Variants in FGF14 observed in about 807,000 individuals in gnomAD.
FGF14 encodes fibroblast growth factor 14.
In FGF14, 5 loss-of-function variants were observed where a neutral mutation model predicts 25.5. That is an observed-to-expected ratio of 0.20 (90% CI 0.10 to 0.41). The LOEUF is 0.41. Among genes scored for constraint, FGF14 ranks in the 10% least tolerant of loss-of-function variants. The pLI is 1.00. For missense variants in FGF14, 222 were observed against 320.1 expected, an observed-to-expected ratio of 0.69 and a Z score of 2.34; for synonymous variants, 138 against 118.3, an observed-to-expected ratio of 1.17 and a Z score of -1.08.
chr13:102,057,844 G>C (rs191957458), intron 1 of FGF14, among the ~76,000 whole-genome samples: 1 of 152,240 alleles, frequency 6.6e-6, no homozygotes, highest in Admixed American at 6.5e-5. Context: ...GAATATTTTA[G>C]ACCTTGGGTT....
intron 1 of FGF14, among the ~76,000 whole-genome samples, chr13:102,216,641 C>A (rs567618170): frequency 1.3e-5 from 2 of 152,184 alleles, no homozygotes; most frequent in Non-Finnish European, 2.9e-5. Flanking sequence ...TCCTTAAACA[C>A]TTATTGTTTG....
At chr13:101,892,903 TGTTA>T (rs148407053) in intron 1 of FGF14, among the ~76,000 whole-genome samples, 4,443 of 152,240 alleles carry the variant, frequency 0.029, 233 homozygotes, top group African/African-American at 0.1. Flanking sequence ...TTGGGAGGTC[TGTTA>T]ATTATACAAA....
At chr13:102,121,349 C>T (rs2045715997) in intron 1 of FGF14, among the ~76,000 whole-genome samples, 1 of 152,084 alleles carries the variant, frequency 6.6e-6, no homozygotes, top group South Asian at 2.1e-4. Context: ...GGACCATACT[C>T]TTCACCATTT....
At chr13:101,855,929 G>A (rs955390834) in intron 3 of FGF14, among the ~76,000 whole-genome samples, 3 of 150,540 alleles carry the variant, frequency 2.0e-5, no homozygotes, top group African/African-American at 7.3e-5. Flanking sequence ...AGAACACAGG[G>A]GAACTCTTGC....
intron 1 of FGF14, among the ~76,000 whole-genome samples, chr13:102,105,341 T>C (rs2044855984): frequency 6.6e-6 from 1 of 152,196 alleles, no homozygotes; most frequent in Non-Finnish European, 1.5e-5. Flanking sequence ...TAATTAGGCA[T>C]TTTTCCCTGA....
At chr13:102,381,462 G>A (rs1447703263) in intron 1 of FGF14, among the ~76,000 whole-genome samples, 1 of 152,176 alleles carries the variant, frequency 6.6e-6, no homozygotes, top group African/African-American at 2.4e-5. Context: ...ATGTGAGGAT[G>A]CAGGAAGTAG....
At chr13:102,287,896 G>A (rs2054185309) in intron 1 of FGF14, among the ~76,000 whole-genome samples, 1 of 152,150 alleles carries the variant, frequency 6.6e-6, no homozygotes, top group African/African-American at 2.4e-5. Context: ...CAGATGCAGT[G>A]CCTGGCACAC....
rs1203488716 is a variant in FGF14, at chr13:102,282,720, A to G, written c.208+118751T>C. On this transcript the variant is annotated intron_variant, in intron 1 of 4. Coordinates refer to the FGF14 transcript ENST00000376131. ...AAAAATAATTTTTGTAATCGAATAAATATTAGAAACACTTCACACCTCCTC... is the reference window on the plus strand; with the variant it reads ...AAAAATAATTTTTGTAATCGAATAAGTATTAGAAACACTTCACACCTCCTC... 5.3e-5 allele frequency among the ~76,000 whole-genome samples: 8 copies of G among 152,266 alleles called. No individual in the cohort carries two copies. In the East Asian group the frequency reaches 1.5e-3, roughly 29 times the overall value.
At chr13:102,297,336 C>A (rs546839543) in intron 1 of FGF14, among the ~76,000 whole-genome samples, 1 of 152,158 alleles carries the variant, frequency 6.6e-6, no homozygotes, top group South Asian at 2.1e-4. Context: ...AGACAGACGA[C>A]TCAATGTAAC....
intron 1 of FGF14, among the ~76,000 whole-genome samples, chr13:101,932,218 C>T (rs2034799614): frequency 6.6e-6 from 1 of 152,112 alleles, no homozygotes; most frequent in Non-Finnish European, 1.5e-5. Context: ...GTATGGCGTT[C>T]TTTTCATTGC....
chr13:102,350,665 G>A (rs1054622147), intron 1 of FGF14, among the ~76,000 whole-genome samples: 4 of 152,166 alleles, frequency 2.6e-5, no homozygotes, highest in Non-Finnish European at 4.4e-5. Flanking sequence ...AACACAGGAA[G>A]GGGATGACCA....
chr13:102,325,881 T>A (rs1429268323), intron 1 of FGF14, among the ~76,000 whole-genome samples: 2 of 152,238 alleles, frequency 1.3e-5, no homozygotes, highest in Non-Finnish European at 2.9e-5. Flanking sequence ...ATATAAACTG[T>A]GACTAATGTG....
chr13:102,013,645 G>A (rs998783026), intron 1 of FGF14, among the ~76,000 whole-genome samples: 1 of 152,184 alleles, frequency 6.6e-6, no homozygotes, highest in Non-Finnish European at 1.5e-5. Context: ...AACACAATGA[G>A]TGATTTCCTA....
At chr13:101,758,775 C>A (rs573271825) in intron 3 of FGF14, among the ~76,000 whole-genome samples, 5 of 152,158 alleles carry the variant, frequency 3.3e-5, no homozygotes, top group Admixed American at 6.6e-5. Context: ...GCAGTCCTCA[C>A]AATTCAGTGT....
At chr13:102,232,558 T>C (rs1302926485) in intron 1 of FGF14, among the ~76,000 whole-genome samples, 2 of 152,216 alleles carry the variant, frequency 1.3e-5, no homozygotes, top group African/African-American at 2.4e-5. Context: ...AAATAAAACA[T>C]AAAATTATGA....
At chr13:101,866,735 G>A (rs2044728071) in intron 3 of FGF14, among the ~76,000 whole-genome samples, 2 of 152,032 alleles carry the variant, frequency 1.3e-5, no homozygotes, top group Admixed American at 1.3e-4. Flanking sequence ...TTTTTACATT[G>A]AAATAAACAG....
At chr13:102,245,624 A>C (rs1348070504) in intron 1 of FGF14, among the ~76,000 whole-genome samples, 1 of 152,066 alleles carries the variant, frequency 6.6e-6, no homozygotes, top group Non-Finnish European at 1.5e-5. Flanking sequence ...TTAATTTTAT[A>C]AGGATTTAAT....
intron 1 of FGF14, among the ~76,000 whole-genome samples, chr13:102,116,996 G>A (rs2045503073): frequency 6.6e-6 from 1 of 152,096 alleles, no homozygotes; most frequent in South Asian, 2.1e-4. Context: ...CTGCAGACAG[G>A]CTCCCACTCC....
chr13:102,237,672 A>G (rs2051395974), intron 1 of FGF14, among the ~76,000 whole-genome samples: 1 of 152,180 alleles, frequency 6.6e-6, no homozygotes, highest in Admixed American at 6.5e-5. Flanking sequence ...CATCTAAGCC[A>G]TAAATTAAAT....
Sources: allele counts gnomAD v4.1 joint callset (sites outside exome capture counted in the v4.1 genomes callset), GRCh38; gene constraint gnomAD v4.1.1; transcripts MANE v1.5; gene names NCBI Gene and HGNC (gene_info 2026-07-23, HGNC 2026-07-21).